Variants in ATCAY observed in about 807,000 individuals in gnomAD.
ATCAY encodes ATCAY kinesin light chain interacting caytaxin, also known as caytaxin.
Under a neutral mutation model 47.7 loss-of-function variants are expected in ATCAY, and 22 were observed. The observed-to-expected ratio is 0.46, with a 90% CI of 0.33 to 0.66. The LOEUF is 0.66. Ranked by LOEUF, ATCAY falls within the 30% of genes least tolerant of loss-of-function variation. ATCAY has a pLI of 0.02. For missense variants in ATCAY, 452 were observed against 515.0 expected, an observed-to-expected ratio of 0.88 and a Z score of 1.18; for synonymous variants, 216 against 207.6, an observed-to-expected ratio of 1.04 and a Z score of -0.35.
chr19:3,911,627 A>G (rs908641462), intron 8 of ATCAY, among the ~76,000 whole-genome samples: 1 of 151,972 alleles, frequency 6.6e-6, no homozygotes, highest in Non-Finnish European at 1.5e-5. Flanking sequence ...TATATCATAT[A>G]TAGTTACTAT....
intron 2 of ATCAY, among the ~76,000 whole-genome samples, chr19:3,898,796 C>T (rs2038790368): frequency 6.6e-6 from 1 of 152,096 alleles, no homozygotes; most frequent in Non-Finnish European, 1.5e-5. Context: ...ATCCTCTTGC[C>T]TCAGCCTCCC....
Position 3,909,575 on chromosome 19 carries a change from G to T in ATCAY, c.737G>T (p.Gly246Val). ...GCCACGCCCCGGCGGAGGATGCCTG[G>T]AATCGGCTGGCTGAAGAAGTGCTAC... is the stretch of plus-strand genomic sequence containing the variant. ...NGATPRRRMP[G>V]IGWLKKCYQM... The change falls in exon 7 of 13, where the codon GGA becomes GTA. Residue 246 changes from glycine (G) to valine (V), a missense_variant. Coordinates refer to ENST00000450849, the MANE Select transcript of ATCAY (RefSeq NM_033064.5). 1 of 1,612,070 alleles carries T rather than the reference G, an allele frequency of 6.2e-7. No individual in the cohort carries two copies.
chr19:3,898,653 C>T (rs2038789279), intron 2 of ATCAY, among the ~76,000 whole-genome samples: 1 of 152,060 alleles, frequency 6.6e-6, no homozygotes, highest in Non-Finnish European at 1.5e-5. Context: ...TTTGTTGATC[C>T]AGTCAGCTGT....
At chr19:3,891,341 G>A (rs1413421157) in intron 2 of ATCAY, among the ~76,000 whole-genome samples, 3 of 151,754 alleles carry the variant, frequency 2.0e-5, no homozygotes, top group Admixed American at 6.6e-5. Flanking sequence ...TGTGAGCCAC[G>A]CGCCCGGCCT....
chr19:3,888,303 C>A (rs569015820), intron 2 of ATCAY, among the ~76,000 whole-genome samples: 1 of 152,124 alleles, frequency 6.6e-6, no homozygotes, highest in South Asian at 2.1e-4. Flanking sequence ...GTCAAAAAGA[C>A]CAGGTGTGTT....
Position 3,880,804 on chromosome 19 carries a change from C to A in ATCAY, c.-246C>A, listed in dbSNP as rs942362080. On this transcript the variant is annotated 5_prime_UTR_variant, in exon 1 of 13. Transcript: ENST00000450849. ...TGGGGAGCCCACCGCTAACCCTGCA[C>A]CCCACCCACCCCTGCACAAAAGAGC... The A allele has an allele frequency of 6.7e-6, 1 of 150,008 alleles. No individual in the cohort carries two copies. Among genetic ancestry groups the A allele is most frequent in the Non-Finnish European group, 1.5e-5 (1 of 68,072 alleles). The allele number at this position is 150,008 out of a possible 1,614,324, so 9.3% of individuals were successfully genotyped here.
chr19:3,897,263 C>CTATATATATATATATA (rs10677459), intron 2 of ATCAY, among the ~76,000 whole-genome samples: 1 of 143,950 alleles, frequency 6.9e-6, no homozygotes. Context: ...TTGAAGTTTG[C>CTATATATATATATATA]TATATATATA....
At chr19:3,905,775 G>A in intron 4 of ATCAY, 120 bp downstream of exon 4, 1 of 859,804 alleles carries the variant, frequency 1.2e-6, no homozygotes, top group Non-Finnish European at 1.8e-6. Context: ...AAGCAGTCTA[G>A]CCTTAAACCC....
chr19:3,908,140 C>T (rs527306146), intron 5 of ATCAY, 128 bp from the exon 6 acceptor site: 1 of 1,048,334 alleles, frequency 9.5e-7, no homozygotes. Context: ...TAAGGGGTCG[C>T]CGGCTGCTGT....
At chr19:3,917,848 G>T in intron 10 of ATCAY, 71 bp downstream of exon 10, 1 of 1,544,510 alleles carries the variant, frequency 6.5e-7, no homozygotes, top group East Asian at 2.3e-5. Flanking sequence ...CTCAGTTAGG[G>T]CAACCCGGTG....
At chr19:3,896,700 C>T (rs2038773031) in intron 2 of ATCAY, among the ~76,000 whole-genome samples, 1 of 152,192 alleles carries the variant, frequency 6.6e-6, no homozygotes, top group East Asian at 1.9e-4. Context: ...GAAGGCAGTG[C>T]CGGCTGCAAA....
chr19:3,897,077 C>T (rs1045477328), intron 2 of ATCAY, among the ~76,000 whole-genome samples: 1 of 151,978 alleles, frequency 6.6e-6, no homozygotes, highest in African/African-American at 2.4e-5. Context: ...CCACGCCCAG[C>T]CAGAAATCTA....
chr19:3,917,608 AAAGGAAG>A (rs1179298774), intron 9 of ATCAY, 127 bp from the exon 10 acceptor site: 1 of 842,868 alleles, frequency 1.2e-6, no homozygotes, highest in Admixed American at 3.0e-5. Flanking sequence ...AAAAAAAAAA[AAAGGAAG>A]AAGAAGAAGA....
intron 2 of ATCAY, among the ~76,000 whole-genome samples, chr19:3,888,047 A>G (rs1180121980): frequency 2.0e-5 from 3 of 150,974 alleles, no homozygotes; most frequent in Non-Finnish European, 3.0e-5. Context: ...CCCGGGAGGC[A>G]GAGGTTGCAG....
chr19:3,923,942 G>T (rs1317515250), intron 12 of ATCAY, among the ~76,000 whole-genome samples: 2 of 149,268 alleles, frequency 1.3e-5, no homozygotes, highest in East Asian at 4.0e-4. Flanking sequence ...ATGCATGGAT[G>T]GATGGCTAGA....
At chr19:3,913,910 T>C in intron 9 of ATCAY, 54 bp downstream of exon 9, 1 of 1,505,476 alleles carries the variant, frequency 6.6e-7, no homozygotes, top group East Asian at 2.3e-5. Context: ...GTGCTGCTGA[T>C]AAAGACACAC....
chr19:3,913,971 T>C lies in ATCAY; in HGVS notation c.965+115T>C. On this transcript the variant is annotated intron_variant, in intron 9 of 12. Transcript: ENST00000450849. ...GGTTTAAGGGGCCGGGCGCGGTGGC[T>C]CCTGCCTGTAATCCCAGCACTTTGG... The C allele has an allele frequency of 8.2e-6, 7 of 857,346 alleles. No individual in the cohort carries two copies. The South Asian group carries it at 1.1e-4, about 14-fold the overall frequency. The allele number at this position is 857,346 out of a possible 1,614,324, so 53.1% of individuals were successfully genotyped here.
In ATCAY at chr19:3,913,797, G is replaced by C; in HGVS notation, c.906G>C (p.Leu302Phe). 6.2e-7 allele frequency: 1 copy of C among 1,613,878 alleles called. No homozygotes were observed. Among genetic ancestry groups the C allele is most frequent in the East Asian group, 2.2e-5 (1 of 44,882 alleles). Residue 302 changes from leucine to phenylalanine, a missense_variant, in exon 9 of 13, where the codon TTG (leucine) becomes TTC (phenylalanine). Physicochemically the swap from Leu to Phe is conservative, Grantham distance 22 (BLOSUM62 0). Coordinates refer to ENST00000450849, the MANE Select transcript of ATCAY (RefSeq NM_033064.5). The part of the protein sequence containing the change: ...FINKIQYVHS[L>F]EDLEQLIPME... ...ACAAGATCCAGTACGTGCACAGCTT[G>C]GAAGACCTGGAGCAACTCATCCCTA...
chr19:3,911,145 G>C (rs1183394871), intron 8 of ATCAY, among the ~76,000 whole-genome samples: 1 of 152,198 alleles, frequency 6.6e-6, no homozygotes, highest in Non-Finnish European at 1.5e-5. Flanking sequence ...TCAGAAGGCT[G>C]AGGTGGGAGG....
Sources: gnomAD v4.1 joint callset for allele counts (sites outside exome capture counted in the v4.1 genomes callset) on GRCh38, gnomAD v4.1.1 for gene constraint, MANE v1.5 for transcripts, NCBI Gene and HGNC (gene_info 2026-07-23, HGNC 2026-07-21) for gene names.